PPP1R21: variants seen among roughly 807,000 people sequenced by gnomAD.
The protein encoded by PPP1R21 is protein phosphatase 1 regulatory subunit 21.
Under a neutral mutation model 112.8 loss-of-function variants are expected in PPP1R21, and 85 were observed. The observed-to-expected ratio is 0.75, with a 90% CI of 0.63 to 0.90. The LOEUF is 0.90. PPP1R21 is among the 40% of genes least tolerant of loss of function. The pLI is 0.00. For synonymous variants in PPP1R21, 381 were observed against 322.3 expected (o/e 1.18, Z -1.95); for missense variants, 1,199 against 901.5 (o/e 1.33, Z -4.23).
chr2:48,488,763 T>G (rs1374102862), intron 14 of PPP1R21, among the ~76,000 whole-genome samples: 1 of 152,256 alleles, frequency 6.6e-6, no homozygotes, highest in Non-Finnish European at 1.5e-5. Flanking sequence ...TTAGTTGGTA[T>G]CAGCTTAATA....
intron 2 of PPP1R21, among the ~76,000 whole-genome samples, chr2:48,453,661 C>T (rs1281213279): frequency 6.6e-6 from 1 of 152,262 alleles, no homozygotes; most frequent in Admixed American, 6.5e-5. Context: ...ATGGCATAAA[C>T]AGAACAAAAT....
In PPP1R21 at chr2:48,450,107, A is replaced by G. The variant is rs55852470; in HGVS notation, c.58-901A>G. On this transcript the variant is annotated intron_variant, in intron 1 of 21. Transcript: ENST00000294952. ...TCTCAGTATTTAATAATTATCTGTGAAAAAAAGCCCAAGTTTTACCTCTTT... is the reference window on the plus strand; with the variant it reads ...TCTCAGTATTTAATAATTATCTGTGGAAAAAAGCCCAAGTTTTACCTCTTT... Among the ~76,000 whole-genome samples, 1,284 of 152,246 alleles carry G rather than the reference A, an allele frequency of 8.4e-3. 12 individuals are homozygous for G. The highest frequency in any genetic ancestry group is 0.044 in the Middle Eastern group (13 of 294).
At chr2:48,449,217 C>A (rs761937148) in intron 1 of PPP1R21, among the ~76,000 whole-genome samples, 1 of 151,968 alleles carries the variant, frequency 6.6e-6, no homozygotes, top group Non-Finnish European at 1.5e-5. Context: ...TGAATCTGTT[C>A]TAATAATAAG....
chr2:48,447,866 C>T lies in PPP1R21; in HGVS notation c.58-3142C>T, dbSNP rs180978304. 1.4e-3 allele frequency among the ~76,000 whole-genome samples: 214 copies of T among 152,224 alleles called. 1 individual carries two copies. The highest frequency in any genetic ancestry group is 4.8e-3 in the African/African-American group (200 of 41,544). ...TTGGGAGGCTGAGGCAGGAGAATCG[C>T]TTGAACCCGAGAGGTGGAGGCTGCA... On this transcript the variant is annotated intron_variant, in intron 1 of 21. Coordinates refer to ENST00000294952, the MANE Select transcript of PPP1R21 (RefSeq NM_001135629.3).
At chr2:48,510,267 T>A (rs1670577690) in intron 20 of PPP1R21, among the ~76,000 whole-genome samples, 154 bp downstream of exon 20, 1 of 152,262 alleles carries the variant, frequency 6.6e-6, no homozygotes, top group South Asian at 2.1e-4. Flanking sequence ...AACATCTTAC[T>A]TATGTTAGGC....
chr2:48,450,271 A>G (rs1419716052), intron 1 of PPP1R21, among the ~76,000 whole-genome samples: 1 of 152,182 alleles, frequency 6.6e-6, no homozygotes, highest in Non-Finnish European at 1.5e-5. Flanking sequence ...CAGCATTGCT[A>G]CTTAACTTCT....
At chr2:48,451,137 G>A in intron 2 of PPP1R21, 61 bp downstream of exon 2, 1 of 1,347,942 alleles carries the variant, frequency 7.4e-7, no homozygotes, top group Non-Finnish European at 1.1e-6. Context: ...GCTCAAAGCA[G>A]GTTCATTGGG....
rs1262760148 is a variant in PPP1R21 at position 48,495,577 on chromosome 2, AAT to A, written c.1600-101_1600-100del. The A allele has an allele frequency of 1.0e-5, 7 of 683,448 alleles. No individual in the cohort carries two copies. In the East Asian group the frequency reaches 1.8e-4, roughly 17 times the overall value. The allele number at this position is 683,448 out of a possible 1,614,324, so 42.3% of individuals were successfully genotyped here. Reference sequence around the variant, plus strand: ...AATAGTCTGCTTTGACATACATCTGAATTTATTGTCACACCTCGTTTAGCATT... The same window carrying A: ...AATAGTCTGCTTTGACATACATCTGATTATTGTCACACCTCGTTTAGCATT... On this transcript the variant is annotated intron_variant, in intron 15 of 21. Coordinates refer to ENST00000294952, the MANE Select transcript of PPP1R21 (RefSeq NM_001135629.3).
At chr2:48,486,547 T>C (rs553637343) in intron 13 of PPP1R21, 84 bp from the exon 14 acceptor site, 26 of 1,029,708 alleles carry the variant, frequency 2.5e-5, no homozygotes, top group Non-Finnish European at 3.4e-5. Context: ...TTTAGAAGAA[T>C]AGATAGGAGA....
intron 21 of PPP1R21, among the ~76,000 whole-genome samples, chr2:48,513,084 G>T (rs1035883639): frequency 4.6e-5 from 7 of 152,262 alleles, no homozygotes; most frequent in African/African-American, 1.7e-4. Context: ...TCAATCTCTG[G>T]AACTTCAGAA....
At chr2:48,502,081 T>C (rs917881080) in intron 17 of PPP1R21, 1 of 152,156 alleles carries the variant, frequency 6.6e-6, no homozygotes, top group Admixed American at 6.5e-5. Context: ...GATTATCTTT[T>C]TATTTGAACA....
At chr2:48,469,727 A>G (rs1175745804) in intron 9 of PPP1R21, among the ~76,000 whole-genome samples, 1 of 151,826 alleles carries the variant, frequency 6.6e-6, no homozygotes, top group African/African-American at 2.4e-5. Flanking sequence ...TCATTTCATT[A>G]CTTTGAATAA....
chr2:48,509,987 A>C, intron 19 of PPP1R21, 28 bp from the exon 20 acceptor site: 1 of 1,545,856 alleles, frequency 6.5e-7, no homozygotes, highest in East Asian at 2.3e-5. Flanking sequence ...TGCTCCCTCT[A>C]GTAATGGAAT....
At chr2:48,488,442 C>T (rs1362087966) in intron 14 of PPP1R21, among the ~76,000 whole-genome samples, 1 of 151,468 alleles carries the variant, frequency 6.6e-6, no homozygotes, top group Non-Finnish European at 1.5e-5. Context: ...TCTCAGCTCA[C>T]TGCAAGCTCC....
In PPP1R21 at chr2:48,451,039, G is replaced by A; in HGVS notation, c.89G>A (p.Gly30Asp). 6.2e-7 allele frequency: 1 copy of A among 1,613,848 alleles called. No individual in the cohort carries two copies. Among genetic ancestry groups the A allele is most frequent in the Non-Finnish European group, 8.5e-7 (1 of 1,179,810 alleles). The change falls in exon 2 of 22, where the codon GGT (glycine) becomes GAT (aspartate). Residue 30 changes from glycine to aspartate, a missense_variant. Coordinates refer to ENST00000294952, the MANE Select transcript of PPP1R21 (RefSeq NM_001135629.3). ...GCTCAGAATCAGGTTCTGAAAAAAG[G>A]TGTTGTGGATGAACAAGCAAATTCT... ...LRAQNQVLKKGVVDEQANSAA... is the reference protein window; with the variant it reads ...LRAQNQVLKKDVVDEQANSAA...
chr2:48,510,391 C>T (rs969553102), intron 20 of PPP1R21, among the ~76,000 whole-genome samples: 10 of 152,226 alleles, frequency 6.6e-5, no homozygotes, highest in Admixed American at 2.0e-4. Flanking sequence ...CTTCCTTGTA[C>T]ATACCCATCA....
chr2:48,494,641 C>G (rs190188130), intron 15 of PPP1R21, among the ~76,000 whole-genome samples: 10 of 152,144 alleles, frequency 6.6e-5, no homozygotes, highest in African/African-American at 2.4e-4. Flanking sequence ...GTCTCGAACT[C>G]CTGACCTTAG....
In PPP1R21 at chr2:48,440,833, G is replaced by GGCGGCC. The variant is rs1457294406; in HGVS notation, c.-119_-118insGGCCGC. ...GAGGCGCGGCGGCGGCGGCGGCGGC[G>GGCGGCC]GCTGCGGTGGCCAAGCAGGCAGATA... On this transcript the variant is annotated 5_prime_UTR_variant, in exon 1 of 22. Transcript: ENST00000294952. 2.9e-6 allele frequency: 2 copies of GGCGGCC among 701,554 alleles called. No homozygotes were observed. The highest frequency in any genetic ancestry group is 3.8e-5 in the African/African-American group (2 of 52,364). The allele number at this position is 701,554 out of a possible 1,614,324, so 43.5% of individuals were successfully genotyped here.
chr2:48,494,690 A>C (rs2103621241), intron 15 of PPP1R21, among the ~76,000 whole-genome samples: 1 of 150,864 alleles, frequency 6.6e-6, no homozygotes, highest in East Asian at 1.9e-4. Context: ...TGCTGGGATT[A>C]CTGGCATGAG....
Sources: gnomAD v4.1 joint callset for allele counts (sites outside exome capture counted in the v4.1 genomes callset) on GRCh38, gnomAD v4.1.1 for gene constraint, MANE v1.5 for transcripts, NCBI Gene and HGNC (gene_info 2026-07-23, HGNC 2026-07-21) for gene names.